Variants in TAFA2 observed in about 807,000 individuals in gnomAD.
The protein encoded by TAFA2 is TAFA chemokine like family member 2.
TAFA2 carries 7 observed loss-of-function variants against 18.8 expected under a neutral mutation model. That is an observed-to-expected ratio of 0.37 (90% CI 0.21 to 0.70). The LOEUF (loss-of-function observed/expected upper bound fraction) is 0.70, where lower values mean the gene tolerates loss of function less well. TAFA2 is among the 30% of genes least tolerant of loss of function. The pLI, the probability that TAFA2 is intolerant of heterozygous loss-of-function variation, is 0.53. For synonymous variants in TAFA2, 60 were observed against 54.2 expected (o/e 1.11, Z -0.47); for missense variants, 122 against 158.1 (o/e 0.77, Z 1.23).
intron 1 of TAFA2, among the ~76,000 whole-genome samples, chr12:62,172,382 C>T (rs1057340711): frequency 5.3e-5 from 8 of 152,092 alleles, no homozygotes; most frequent in African/African-American, 1.9e-4. Context: ...AAGGTGTCTT[C>T]GATGTAAATT....
At chr12:61,848,085 C>T (rs1045258314) in intron 2 of TAFA2, among the ~76,000 whole-genome samples, 19 of 152,168 alleles carry the variant, frequency 1.2e-4, no homozygotes, top group African/African-American at 4.6e-4. Flanking sequence ...AACTTCAAAA[C>T]TCATTATAAA....
chr12:62,158,378 T>C (rs1319588934), intron 1 of TAFA2, among the ~76,000 whole-genome samples: 1 of 152,222 alleles, frequency 6.6e-6, no homozygotes, highest in Non-Finnish European at 1.5e-5. Flanking sequence ...ACACATTCTT[T>C]TGGTACTAGT....
At chr12:61,845,750 C>A (rs1873377552) in intron 2 of TAFA2, among the ~76,000 whole-genome samples, 1 of 152,122 alleles carries the variant, frequency 6.6e-6, no homozygotes, top group South Asian at 2.1e-4. Context: ...TGTCTAGAGG[C>A]ATAAGCAATT....
chr12:61,958,050 G>A (rs1486478568), intron 1 of TAFA2, among the ~76,000 whole-genome samples: 1 of 152,088 alleles, frequency 6.6e-6, no homozygotes, highest in Non-Finnish European at 1.5e-5. Context: ...GCAACCTGGT[G>A]TGTTTCCTCT....
chr12:61,947,788 A>G (rs1293922553), intron 1 of TAFA2, among the ~76,000 whole-genome samples: 1 of 152,160 alleles, frequency 6.6e-6, no homozygotes, highest in African/African-American at 2.4e-5. Context: ...GTACCCTAAA[A>G]GACTTTCCTA....
At chr12:62,158,655 C>A (rs1306710191) in intron 1 of TAFA2, among the ~76,000 whole-genome samples, 3 of 152,184 alleles carry the variant, frequency 2.0e-5, no homozygotes, top group Non-Finnish European at 4.4e-5. Flanking sequence ...CTACCCAGCC[C>A]AGTGATTGTG....
intron 4 of TAFA2, among the ~76,000 whole-genome samples, chr12:61,751,478 T>C (rs114792888): frequency 0.029 from 4,417 of 152,108 alleles, 225 homozygotes; most frequent in African/African-American, 0.099. Context: ...TCTCCTCTTA[T>C]ATATGATGAT....
chr12:62,237,354 G>A (rs922294365), intron 1 of TAFA2, among the ~76,000 whole-genome samples: 2 of 152,150 alleles, frequency 1.3e-5, no homozygotes, highest in Admixed American at 6.5e-5. Flanking sequence ...TTTAACAAAC[G>A]TATTTCTCTG....
intron 1 of TAFA2, among the ~76,000 whole-genome samples, chr12:61,962,804 G>A (rs1462357057): frequency 1.3e-5 from 2 of 151,786 alleles, no homozygotes; most frequent in Non-Finnish European, 1.5e-5. Context: ...GAACATGCAG[G>A]TTTGTTACAT....
chr12:62,015,209 G>A (rs1263503480), intron 1 of TAFA2, among the ~76,000 whole-genome samples: 4 of 152,084 alleles, frequency 2.6e-5, no homozygotes, highest in East Asian at 3.9e-4. Flanking sequence ...TCATTTGTTT[G>A]TTCACTTTTT....
intron 4 of TAFA2, among the ~76,000 whole-genome samples, chr12:61,736,269 C>A (rs1868302899): frequency 6.6e-6 from 1 of 152,026 alleles, no homozygotes; most frequent in South Asian, 2.1e-4. Context: ...GGACAAGTAA[C>A]TCTTCACTTT....
At chr12:61,826,373 T>C (rs533252445) in intron 2 of TAFA2, among the ~76,000 whole-genome samples, 1 of 151,816 alleles carries the variant, frequency 6.6e-6, no homozygotes, top group Non-Finnish European at 1.5e-5. Context: ...TATTTGTAAA[T>C]TTGAAATTCT....
chr12:62,083,988 G>C (rs1868363997), intron 1 of TAFA2, among the ~76,000 whole-genome samples: 1 of 152,106 alleles, frequency 6.6e-6, no homozygotes, highest in Non-Finnish European at 1.5e-5. Context: ...TACAAGAAAA[G>C]ATACATCAAT....
chr12:62,082,678 G>C (rs1177790687), intron 1 of TAFA2, among the ~76,000 whole-genome samples: 1 of 152,142 alleles, frequency 6.6e-6, no homozygotes, highest in Non-Finnish European at 1.5e-5. Context: ...TGAGCACATA[G>C]AATCTTTTGA....
chr12:62,100,138 T>TACACACACAC (rs373455310), intron 1 of TAFA2, among the ~76,000 whole-genome samples: 100 of 145,756 alleles, frequency 6.9e-4, no homozygotes, highest in Non-Finnish European at 1.0e-3. Context: ...CAACTCCCTC[T>TACACACACAC]ACACACACAC....
chr12:61,775,185 A>G (rs1366790683), intron 2 of TAFA2, among the ~76,000 whole-genome samples: 1 of 151,838 alleles, frequency 6.6e-6, no homozygotes. Flanking sequence ...GAGCAACAAG[A>G]ACTCTCATTC....
chr12:62,184,602 TC>T (rs902775397), intron 1 of TAFA2, among the ~76,000 whole-genome samples: 1 of 145,480 alleles, frequency 6.9e-6, no homozygotes. Flanking sequence ...CAAGTGATCC[TC>T]CCCCCTCTCA....
At chr12:62,163,609 T>G (rs1455316164) in intron 1 of TAFA2, among the ~76,000 whole-genome samples, 1 of 152,102 alleles carries the variant, frequency 6.6e-6, no homozygotes, top group African/African-American at 2.4e-5. Context: ...TCTTACCTAT[T>G]TAAAGATGAT....
At chr12:62,054,151 T>C (rs772686144) in intron 1 of TAFA2, among the ~76,000 whole-genome samples, 6 of 152,186 alleles carry the variant, frequency 3.9e-5, no homozygotes, top group African/African-American at 4.8e-5. Context: ...ACTAAAGCAA[T>C]GTTTTGTGTC....
Sources: allele counts gnomAD v4.1 joint callset (sites outside exome capture counted in the v4.1 genomes callset), GRCh38; gene constraint gnomAD v4.1.1; transcripts MANE v1.5; gene names NCBI Gene and HGNC (gene_info 2026-07-23, HGNC 2026-07-21).